Variants in OR52N2 observed in about 807,000 individuals in gnomAD.
OR52N2 encodes olfactory receptor 52N2.
For missense variants in OR52N2, 326 were observed against 196.6 expected (o/e 1.66, Z -3.94); for synonymous variants, 129 against 72.0 (o/e 1.79, Z -4.01).
rs554682996 is a variant in OR52N2 at position 5,820,763 on chromosome 11, T to A, written c.428T>A (p.Ile143Asn). ...RYATILTNPV[I>N]AKAGLATFLR... ...GCCACCATCCTTACCAACCCTGTCA[T>A]CGCCAAGGCTGGTCTTGCCACCTTC... The change falls in exon 2 of 2, where the codon ATC becomes AAC. Residue 143 changes from isoleucine to asparagine, a missense_variant. Transcript: ENST00000317037. The A allele has an allele frequency of 2.6e-6, 2 of 772,952 alleles. No individual in the cohort carries two copies. Among genetic ancestry groups the A allele is most frequent in the Admixed American group, 1.7e-5 (1 of 58,424 alleles). The allele number at this position is 772,952 out of a possible 1,614,324, so 47.9% of individuals were successfully genotyped here. A position where few individuals can be genotyped will look rare whatever the true frequency, so the allele number is the denominator to read the frequency against.
At chr11:5,816,319 G>A (rs1156340015) in intron 1 of OR52N2, among the ~76,000 whole-genome samples, 1 of 152,156 alleles carries the variant, frequency 6.6e-6, no homozygotes, top group Non-Finnish European at 1.5e-5. Flanking sequence ...ACATGATTAA[G>A]ATGGCAAACT....
chr11:5,812,509 A>AAC (rs1554953784), intron 1 of OR52N2, among the ~76,000 whole-genome samples: 1 of 151,040 alleles, frequency 6.6e-6, no homozygotes, highest in Non-Finnish European at 1.5e-5. Flanking sequence ...AAAAAAAAAA[A>AAC]AAAGAAATGA....
At chr11:5,817,489 A>C (rs1372316746) in intron 1 of OR52N2, among the ~76,000 whole-genome samples, 7 of 152,228 alleles carry the variant, frequency 4.6e-5, no homozygotes, top group South Asian at 2.1e-4. Context: ...TGGATGACTA[A>C]TAAATATACA....
chr11:5,821,009 A>G lies in OR52N2; in HGVS notation c.674A>G (p.Gln225Arg), dbSNP rs1846447595. Residue 225 changes from glutamine to arginine, a missense_variant, in exon 2 of 2, where the codon CAG (glutamine) becomes CGG (arginine). Gln to Arg is a conservative substitution (Grantham distance 43). Coordinates refer to ENST00000317037, the MANE Select transcript of OR52N2 (RefSeq NM_001005174.3). ...CISVSYTMIL[Q>R]AVMSLSSADA... ...TCTGTATCTTACACTATGATTTTGC[A>G]GGCTGTTATGAGCCTGTCATCAGCA... 2 of 780,910 alleles carry G rather than the reference A, an allele frequency of 2.6e-6. No individual in the cohort carries two copies. Among genetic ancestry groups the G allele is most frequent in the Non-Finnish European group, 4.8e-6 (2 of 418,122 alleles). 48.4% of individuals were successfully genotyped at this position (780,910 alleles called of 1,614,324 possible).
At chr11:5,811,896 T>G (rs544631105) in intron 1 of OR52N2, among the ~76,000 whole-genome samples, 9 of 152,254 alleles carry the variant, frequency 5.9e-5, no homozygotes, top group Admixed American at 5.9e-4. Flanking sequence ...TGGGCAAATA[T>G]AAGGCAAAAG....
chr11:5,821,094 C>G lies in OR52N2; in HGVS notation c.759C>G (p.Thr253=). 1.3e-6 allele frequency: 1 copy of G among 781,016 alleles called. No homozygotes were observed. Among genetic ancestry groups the G allele is most frequent in the Non-Finnish European group, 2.4e-6 (1 of 418,120 alleles). 48.4% of individuals were successfully genotyped at this position (781,016 alleles called of 1,614,324 possible). The change falls in exon 2 of 2, where the codon ACC becomes ACG. Residue 253 remains threonine, a synonymous_variant. Coordinates refer to ENST00000317037, the MANE Select transcript of OR52N2 (RefSeq NM_001005174.3). ...CTCACATGTGTTCCATTGTGATCAC[C>G]TATGTTGCTGCTTTTTTCACTTTTT... ...CTSHMCSIVI[T]YVAAFFTFFT... is the part of the protein sequence containing the mutation.
At position 5,821,190 on chromosome 11, in the gene OR52N2, A is replaced by G. The variant is rs997217290; in HGVS notation, c.855A>G (p.Leu285=). 1.3e-6 allele frequency: 1 copy of G among 781,036 alleles called. No individual in the cohort carries two copies. Among genetic ancestry groups the G allele is most frequent in the Admixed American group, 1.7e-5 (1 of 59,024 alleles). The allele number at this position is 781,036 out of a possible 1,614,324, so 48.4% of individuals were successfully genotyped here. The change falls in exon 2 of 2, where the codon CTA becomes CTG. Residue 285 remains leucine, a synonymous_variant. Transcript: ENST00000317037. ...IHIIVANLYL[L]LPPTMNPIVY... The stretch of plus-strand genomic sequence containing the variant: ...TCATCGTGGCCAACCTTTATCTGCT[A>G]CTGCCTCCTACCATGAACCCAATTG...
At chr11:5,819,352 G>A (rs1846428052) in intron 1 of OR52N2, among the ~76,000 whole-genome samples, 1 of 152,078 alleles carries the variant, frequency 6.6e-6, no homozygotes, top group African/African-American at 2.4e-5. Context: ...TTTTTTAATT[G>A]ACTTCCTTTC....
intron 1 of OR52N2, among the ~76,000 whole-genome samples, chr11:5,818,618 G>A (rs1317971873): frequency 3.1e-5 from 3 of 96,136 alleles, no homozygotes; most frequent in South Asian, 9.0e-4. Context: ...GCAACAGCCT[G>A]ATACACTGAA....
chr11:5,821,094 C>A lies in OR52N2; in HGVS notation c.759C>A (p.Thr253=). 1.3e-6 allele frequency: 1 copy of A among 781,016 alleles called. No individual in the cohort carries two copies. The highest frequency in any genetic ancestry group is 1.3e-5 in the South Asian group (1 of 74,622). 48.4% of individuals were successfully genotyped at this position (781,016 alleles called of 1,614,324 possible). A position where few individuals can be genotyped will look rare whatever the true frequency, so the allele number is the denominator to read the frequency against. The part of the protein sequence containing the change: ...CTSHMCSIVI[T]YVAAFFTFFT... ...CTCACATGTGTTCCATTGTGATCACCTATGTTGCTGCTTTTTTCACTTTTT... is the reference window on the plus strand; with the variant it reads ...CTCACATGTGTTCCATTGTGATCACATATGTTGCTGCTTTTTTCACTTTTT... Residue 253 remains threonine (T), a synonymous_variant, in exon 2 of 2, where the codon ACC becomes ACA. Coordinates refer to ENST00000317037, the MANE Select transcript of OR52N2 (RefSeq NM_001005174.3).
intron 1 of OR52N2, among the ~76,000 whole-genome samples, chr11:5,817,897 T>A (rs1248179566): frequency 6.6e-6 from 1 of 152,140 alleles, no homozygotes; most frequent in Non-Finnish European, 1.5e-5. Context: ...ATGATTAAAT[T>A]TGGTACAGCT....
chr11:5,820,500 G>A lies in OR52N2; in HGVS notation c.165G>A (p.Glu55=). 1 of 778,758 alleles carries A rather than the reference G, an allele frequency of 1.3e-6. No individual in the cohort carries two copies. 48.2% of individuals were successfully genotyped at this position (778,758 alleles called of 1,614,324 possible). ...TCATCTGCCTCATCAGCCATGAGGA[G>A]GCCCTGCACCGGCCCATGTACTACT... ...CGLICLISHE[E]ALHRPMYYFL... The change falls in exon 2 of 2, where the codon GAG becomes GAA. Residue 55 remains glutamate, a synonymous_variant. Transcript: ENST00000317037.
chr11:5,814,452 T>C (rs1342342694), intron 1 of OR52N2, among the ~76,000 whole-genome samples: 1 of 152,022 alleles, frequency 6.6e-6, no homozygotes, highest in Non-Finnish European at 1.5e-5. Context: ...AATTATATTT[T>C]ATTTTTAATT....
rs201183437 is a variant in OR52N2, at chr11:5,820,705, C to A, written c.370C>A (p.Arg124Ser). 2 of 792,030 alleles carry A rather than the reference C, an allele frequency of 2.5e-6. No individual in the cohort carries two copies. Among genetic ancestry groups the A allele is most frequent in the Non-Finnish European group, 4.7e-6 (2 of 429,102 alleles). 49.1% of individuals were successfully genotyped at this position (792,030 alleles called of 1,614,324 possible). ...GGTGCTCATGCTCATGGCCCTGGAC[C>A]GCTATGTGGCCATCTGCTACCCCTT... Reference protein sequence around the residue: ...SGVLMLMALDRYVAICYPLRY... With the variant: ...SGVLMLMALDSYVAICYPLRY... Residue 124 changes from arginine to serine, a missense_variant, in exon 2 of 2, where the codon CGC becomes AGC. Physicochemically the swap from Arg to Ser is moderately radical, Grantham distance 110. Coordinates refer to ENST00000317037, the MANE Select transcript of OR52N2 (RefSeq NM_001005174.3).
Position 5,821,291 on chromosome 11 carries a change from A to G in OR52N2, c.956A>G (p.Tyr319Cys), listed in dbSNP as rs201188084. Residue 319 changes from tyrosine (Y) to cysteine (C), a missense_variant, in exon 2 of 2, where the codon TAT becomes TGT. Coordinates refer to ENST00000317037, the MANE Select transcript of OR52N2 (RefSeq NM_001005174.3). ...FLLGDKVSFTYDK is the reference protein window; with the variant it reads ...FLLGDKVSFTCDK Reference sequence around the variant, plus strand: ...CTTGGAGACAAGGTTAGTTTTACCTATGACAAATGAAACATAGAATAGACA... The same window carrying G: ...CTTGGAGACAAGGTTAGTTTTACCTGTGACAAATGAAACATAGAATAGACA... The G allele has an allele frequency of 7.8e-5, 61 of 777,528 alleles. No homozygotes were observed. Among genetic ancestry groups the G allele is most frequent in the Non-Finnish European group, 8.2e-5 (34 of 417,084 alleles). 48.2% of individuals were successfully genotyped at this position (777,528 alleles called of 1,614,324 possible). A position where few individuals can be genotyped will look rare whatever the true frequency, so the allele number is the denominator to read the frequency against.
chr11:5,811,040 C>T (rs1445605384), intron 1 of OR52N2, among the ~76,000 whole-genome samples: 2 of 150,732 alleles, frequency 1.3e-5, no homozygotes, highest in African/African-American at 4.9e-5. Flanking sequence ...TGGCTAAACA[C>T]AAAATATATT....
At chr11:5,819,840 GA>G (rs921241296) in intron 1 of OR52N2, among the ~76,000 whole-genome samples, 8 of 152,126 alleles carry the variant, frequency 5.3e-5, no homozygotes, top group Non-Finnish European at 1.0e-4. Context: ...GTTAAAAACG[GA>G]AAGTTAAGCT....
rs768684030 is a variant in OR52N2, at chr11:5,820,395, T to A, written c.60T>A (p.Pro20=). The change falls in exon 2 of 2, where the codon CCT becomes CCA. Residue 20 remains proline, a synonymous_variant. Transcript: ENST00000317037. The part of the protein sequence containing the change: ...TPGFFILNGV[P]GLEATHIWIS... The stretch of plus-strand genomic sequence containing the variant: ...GATTCTTTATCTTGAATGGCGTTCC[T>A]GGGCTGGAAGCCACACACATCTGGA... 2.6e-6 allele frequency: 2 copies of A among 780,970 alleles called. No individual in the cohort carries two copies. Among genetic ancestry groups the A allele is most frequent in the Non-Finnish European group, 4.8e-6 (2 of 418,100 alleles). 48.4% of individuals were successfully genotyped at this position (780,970 alleles called of 1,614,324 possible).
At chr11:5,817,654 C>T (rs116682695) in intron 1 of OR52N2, among the ~76,000 whole-genome samples, 15 of 152,148 alleles carry the variant, frequency 9.9e-5, no homozygotes, top group African/African-American at 2.6e-4. Context: ...ATGGTTCAGT[C>T]GCTTTGCATG....
Sources: allele counts gnomAD v4.1 joint callset (sites outside exome capture counted in the v4.1 genomes callset), GRCh38; gene constraint gnomAD v4.1.1; transcripts MANE v1.5; gene names NCBI Gene and HGNC (gene_info 2026-07-23, HGNC 2026-07-21).